Variants in ARAP1 observed in about 807,000 individuals in gnomAD.
ARAP1 encodes ArfGAP with RhoGAP domain, ankyrin repeat and PH domain 1, also known as arf-GAP with Rho-GAP domain, ANK repeat and PH domain-containing protein 1.
In ARAP1, 76 loss-of-function variants were observed where a neutral mutation model predicts 172.2. The observed-to-expected ratio is 0.44, with a 90% confidence interval of 0.37 to 0.53. The LOEUF is 0.53. Among genes scored for constraint, ARAP1 ranks in the 20% least tolerant of loss-of-function variants. The pLI is 0.00. For synonymous variants in ARAP1, 804 were observed against 803.3 expected, an observed-to-expected ratio of 1.00 and a Z score of -0.01; for missense variants, 1,686 against 1,977.5, an observed-to-expected ratio of 0.85 and a Z score of 2.80.
intron 3 of ARAP1, among the ~76,000 whole-genome samples, chr11:72,722,974 T>A (rs1857574694): frequency 6.6e-6 from 1 of 152,078 alleles, no homozygotes; most frequent in Admixed American, 6.5e-5. Flanking sequence ...TTTCTCAGCA[T>A]CTCTGGGCTC....
In ARAP1 at chr11:72,695,764, C is replaced by A. The variant is rs1268607340; in HGVS notation, c.3374G>T (p.Gly1125Val). 1 of 1,614,196 alleles carries A rather than the reference C, an allele frequency of 6.2e-7. No homozygotes were observed. Among genetic ancestry groups the A allele is most frequent in the African/African-American group, 1.3e-5 (1 of 75,068 alleles). Residue 1125 changes from glycine to valine, a missense_variant, in exon 24 of 35, where the codon GGC becomes GTC. By Grantham distance (109) the Gly-to-Val change is moderately radical. This residue lies in a region of ARAP1 where 379 missense variants were observed against 500.1 expected (regional missense o/e 0.76). Coordinates refer to ENST00000393609, the MANE Select transcript of ARAP1 (RefSeq NM_001040118.3). This position sits in a 1 kb window ranked among gnomAD's most constrained non-coding sequence, Gnocchi z 4.4. ...GTTAATGAGGTCTTCCACCACACGGCCAGCCTTGTAGTCCTGCCCATCTGT... is the reference window on the plus strand; with the variant it reads ...GTTAATGAGGTCTTCCACCACACGGACAGCCTTGTAGTCCTGCCCATCTGT... The part of the protein sequence containing the change: ...FQTDGQDYKA[G>V]RVVEDLINHY...
Position 72,687,485 on chromosome 11 carries a change from G to A in ARAP1, c.4139C>T (p.Thr1380Ile). 1 of 1,614,170 alleles carries A rather than the reference G, an allele frequency of 6.2e-7. No homozygotes were observed. The highest frequency in any genetic ancestry group is 8.5e-7 in the Non-Finnish European group (1 of 1,180,034). The change falls in exon 33 of 35, where the codon ACA becomes ATA. Residue 1380 changes from threonine to isoleucine, a missense_variant. Thr to Ile is a moderately conservative substitution (Grantham distance 89). This residue lies in a region of ARAP1 where 379 missense variants were observed against 500.1 expected (regional missense o/e 0.76). Transcript: ENST00000393609. ...EKQQWYLCCD[T>I]QMELREWFAT... ...GAACCACTCCCGGAGCTCCATCTGTGTGTCACAGCAGAGGTACCTGCAGGG... is the reference window on the plus strand; with the variant it reads ...GAACCACTCCCGGAGCTCCATCTGTATGTCACAGCAGAGGTACCTGCAGGG...
At chr11:72,700,054 C>T (rs10898866) in intron 16 of ARAP1, 53,964 of 164,598 alleles carry the variant, frequency 0.33, 10,827 homozygotes, top group Non-Finnish European at 0.45. Flanking sequence ...CTGTACTCTG[C>T]CTCCTGCTAC....
chr11:72,713,622 C>A (rs950064732), intron 4 of ARAP1, among the ~76,000 whole-genome samples: 2 of 152,046 alleles, frequency 1.3e-5, no homozygotes, highest in African/African-American at 4.8e-5. Context: ...CTGAGGTGGG[C>A]AGATCACGAA....
rs751086241 is a variant in ARAP1 at position 72,696,573 on chromosome 11, T to C, written c.3248A>G (p.Lys1083Arg). The C allele has an allele frequency of 1.1e-5, 18 of 1,596,672 alleles. No individual in the cohort carries two copies. In the African/African-American group the frequency reaches 2.2e-4, roughly 19 times the overall value. ...RLPPVNRATV[K>R]ALISHLYCVQ... ...CCAGTACAGGTGGCTGATAAGGGCC[T>C]TCACTGTGGCCCGGTTGACAGGGGG... Residue 1083 changes from lysine to arginine, a missense_variant, in exon 23 of 35, where the codon AAG (lysine) becomes AGG (arginine). Physicochemically the swap from Lys to Arg is conservative, Grantham distance 26. Around this residue, in one of 5 missense-constraint regions of ARAP1, gnomAD observed 379 missense variants for 500.1 expected, o/e 0.76. Coordinates refer to ENST00000393609, the MANE Select transcript of ARAP1 (RefSeq NM_001040118.3).
chr11:72,726,486 G>A lies in ARAP1; in HGVS notation c.509+134C>T, dbSNP rs1052924489. On this transcript the variant is annotated intron_variant, in intron 3 of 34. Transcript: ENST00000393609. This position sits in a 1 kb window ranked among gnomAD's most constrained non-coding sequence, Gnocchi z 6.5. ...TCACCAGACAGCAATCCTGTCCTCC[G>A]AGCTTTGCACACGCTGTTCCCCCTG... 18 of 1,218,266 alleles carry A rather than the reference G, an allele frequency of 1.5e-5. No individual in the cohort carries two copies. The highest frequency in any genetic ancestry group is 8.7e-5 in the Admixed American group (3 of 34,580). The allele number at this position is 1,218,266 out of a possible 1,614,324, so 75.5% of individuals were successfully genotyped here.
chr11:72,713,630 G>A (rs887220100), intron 4 of ARAP1, among the ~76,000 whole-genome samples: 2 of 152,086 alleles, frequency 1.3e-5, no homozygotes, highest in Admixed American at 6.5e-5. Context: ...GGCAGATCAC[G>A]AACTCAGGAG....
At position 72,726,799 on chromosome 11, in the gene ARAP1, C is replaced by T. The variant is rs1428378294; in HGVS notation, c.330G>A (p.Gly110=). 1 of 1,554,754 alleles carries T rather than the reference C, an allele frequency of 6.4e-7. No individual in the cohort carries two copies. Among genetic ancestry groups the T allele is most frequent in the Admixed American group, 1.9e-5 (1 of 51,546 alleles). ...GCGGGATGGGTGGGGCAGCGGGGAGCCCCTCATCCTCTGTAGTGGTGGGCA... is the reference window on the plus strand; with the variant it reads ...GCGGGATGGGTGGGGCAGCGGGGAGTCCCTCATCCTCTGTAGTGGTGGGCA... The part of the protein sequence containing the change: ...EPLPTTTEDE[G]LPAAPPIPPR... Residue 110 remains glycine (G), a synonymous_variant, in exon 3 of 35, where the codon GGG becomes GGA. Transcript: ENST00000393609. The surrounding 1 kb of genome is among the most constrained non-coding windows in gnomAD (Gnocchi z 6.5).
At chr11:72,724,250 A>G (rs1182850581) in intron 3 of ARAP1, among the ~76,000 whole-genome samples, 2 of 152,070 alleles carry the variant, frequency 1.3e-5, no homozygotes, top group Non-Finnish European at 2.9e-5. Flanking sequence ...CTGACTCGAG[A>G]CACTGAGAGT....
intron 2 of ARAP1, among the ~76,000 whole-genome samples, 196 bp downstream of exon 2, chr11:72,732,319 T>C (rs1176974564): frequency 6.6e-6 from 1 of 152,212 alleles, no homozygotes; most frequent in Non-Finnish European, 1.5e-5. Flanking sequence ...ACCCCCACCC[T>C]GTTCCAAGGT....
Position 72,712,421 on chromosome 11 carries a change from G to C in ARAP1, c.878+17C>G, listed in dbSNP as rs755699100. 2 of 1,556,592 alleles carry C rather than the reference G, an allele frequency of 1.3e-6. No homozygotes were observed. The highest frequency in any genetic ancestry group is 4.5e-5 in the East Asian group (2 of 44,052). On this transcript the variant is annotated intron_variant, in intron 6 of 34. Coordinates refer to ENST00000393609, the MANE Select transcript of ARAP1 (RefSeq NM_001040118.3). ...TGAGGTTGGGCTCAGTGGGAAGGAG[G>C]GTGGCCGGACACTCACTTGGGGACG...
Position 72,705,870 on chromosome 11 carries a change from C to CGCCCAG in ARAP1, c.1738_1743dup (p.Leu580_Gly581dup). 1.2e-6 allele frequency: 2 copies of CGCCCAG among 1,614,120 alleles called. No homozygotes were observed. Among genetic ancestry groups the CGCCCAG allele is most frequent in the Non-Finnish European group, 1.7e-6 (2 of 1,179,962 alleles). ...AGGCTCCGCACCTTGGAGACGCCAGCGCCCAGGCCACGGTGCTCCCCTGTA... is the reference window on the plus strand; with the variant it reads ...AGGCTCCGCACCTTGGAGACGCCAGCGCCCAGGCCCAGGCCACGGTGCTCCCCTGTA... On this transcript the variant is annotated inframe_insertion, in exon 13 of 35. Transcript: ENST00000393609.
At chr11:72,706,809 CA>C (rs1316522569) in intron 12 of ARAP1, among the ~76,000 whole-genome samples, 1 of 152,220 alleles carries the variant, frequency 6.6e-6, no homozygotes, top group Non-Finnish European at 1.5e-5. Context: ...CCTCTGCATG[CA>C]AAGCCCTGCC....
At chr11:72,698,864 G>T in intron 18 of ARAP1, 141 bp downstream of exon 18, 2 of 865,234 alleles carry the variant, frequency 2.3e-6, no homozygotes, top group Non-Finnish European at 3.8e-6. Flanking sequence ...GCTCTTGGTG[G>T]GACAGGCCCG....
In ARAP1 at chr11:72,699,186, C is replaced by T; in HGVS notation, c.2439-79G>A. On this transcript the variant is annotated intron_variant, in intron 17 of 34. Coordinates refer to ENST00000393609, the MANE Select transcript of ARAP1 (RefSeq NM_001040118.3). The surrounding 1 kb of genome is among the most constrained non-coding windows in gnomAD (Gnocchi z 4.2). ...CCCAACCCGCACCATCAACCGCCAT[C>T]CTCTGCCCCCTCCGCACTGCCTTGG... 2 of 1,496,898 alleles carry T rather than the reference C, an allele frequency of 1.3e-6. No individual in the cohort carries two copies. The highest frequency in any genetic ancestry group is 2.3e-5 in the South Asian group (2 of 88,456). The allele number at this position is 1,496,898 out of a possible 1,614,324, so 92.7% of individuals were successfully genotyped here.
intron 12 of ARAP1, 66 bp downstream of exon 12, chr11:72,707,109 A>T: frequency 6.9e-7 from 1 of 1,446,598 alleles, no homozygotes; most frequent in South Asian, 1.4e-5. Context: ...CAGATAGGAT[A>T]CCTGCCATCC....
At chr11:72,749,430 A>C (rs1858471383) in intron 1 of ARAP1, among the ~76,000 whole-genome samples, 1 of 152,100 alleles carries the variant, frequency 6.6e-6, no homozygotes, top group African/African-American at 2.4e-5. Flanking sequence ...ATGTTTGCTG[A>C]CCTCATTCTC....
intron 3 of ARAP1, among the ~76,000 whole-genome samples, chr11:72,720,419 C>T (rs1348163122): frequency 6.6e-6 from 1 of 152,178 alleles, no homozygotes; most frequent in Non-Finnish European, 1.5e-5. Flanking sequence ...ATAGACAGCC[C>T]TTCCTAGGGT....
rs942045914 is a variant in ARAP1 at position 72,726,087 on chromosome 11, A to G, written c.509+533T>C. Among the ~76,000 whole-genome samples, 1 of 152,164 alleles carries G rather than the reference A, an allele frequency of 6.6e-6. No individual in the cohort carries two copies. The highest frequency in any genetic ancestry group is 1.5e-5 in the Non-Finnish European group (1 of 68,020). On this transcript the variant is annotated intron_variant, in intron 3 of 34. Coordinates refer to ENST00000393609, the MANE Select transcript of ARAP1 (RefSeq NM_001040118.3). This position sits in a 1 kb window ranked among gnomAD's most constrained non-coding sequence, Gnocchi z 6.5. ...GTTCTGAGGAGGGAGGGCATGCCAG[A>G]TGAGGCCTGAGAAGTGTCCCAGGAT...
Sources: gnomAD v4.1 joint callset for allele counts (sites outside exome capture counted in the v4.1 genomes callset) on GRCh38, gnomAD v4.1.1 for gene constraint, gnomAD v4.1.1 regional missense constraint, Gnocchi (gnomAD v3.1) non-coding constraint, MANE v1.5 for transcripts, NCBI Gene and HGNC (gene_info 2026-07-23, HGNC 2026-07-21) for gene names.